Variants in LRP1B observed in about 807,000 individuals in gnomAD.
LRP1B encodes LDL receptor related protein 1B.
A neutral mutation model predicts 556.6 loss-of-function variants in LRP1B; 217 were observed. That is an observed-to-expected ratio of 0.39 (90% CI 0.35 to 0.44). The LOEUF is 0.44. LRP1B is among the 20% of genes least tolerant of loss of function. The pLI, the probability that LRP1B is intolerant of heterozygous loss-of-function variation, is 1.00. For synonymous variants in LRP1B, 2,047 were observed against 1,865.8 expected (o/e 1.10, Z -2.50); for missense variants, 5,053 against 5,620.8 (o/e 0.90, Z 3.23).
intron 1 of LRP1B, among the ~76,000 whole-genome samples, chr2:141,980,075 C>T (rs1702001013): frequency 6.6e-6 from 1 of 152,098 alleles, no homozygotes; most frequent in South Asian, 2.1e-4. Flanking sequence ...ATTACTCTTT[C>T]TCTAGTATGA....
intron 66 of LRP1B, among the ~76,000 whole-genome samples, chr2:140,435,571 T>C (rs1406844175): frequency 6.6e-6 from 1 of 152,080 alleles, no homozygotes; most frequent in Non-Finnish European, 1.5e-5. Context: ...ATCCAGAGTC[T>C]AGAATATTTG....
Position 140,994,061 on chromosome 2 carries a change from C to G in LRP1B, c.2578G>C (p.Ala860Pro), listed in dbSNP as rs2105358984. The G allele has an allele frequency of 1.2e-6, 2 of 1,612,724 alleles. No individual in the cohort carries two copies. The highest frequency in any genetic ancestry group is 1.7e-6 in the Non-Finnish European group (2 of 1,179,170). Residue 860 changes from alanine (A) to proline (P), a missense_variant, in exon 16 of 91, where the codon GCT (alanine) becomes CCT (proline). By Grantham distance (27) the Ala-to-Pro change is conservative. This residue lies in a region of LRP1B where 3,619 missense variants were observed against 3,931.9 expected (regional missense o/e 0.92). Coordinates refer to ENST00000389484, the MANE Select transcript of LRP1B (RefSeq NM_018557.3). ...TCGTCGCCATCACATTTCCACCGAG[C>G]TTGGATACAGTGTCTGTTTTTGCAG... ...FRCKNRHCIQ[A>P]RWKCDGDDDC... is the part of the protein sequence containing the mutation.
chr2:140,694,502 T>G (rs1461492514), intron 41 of LRP1B, among the ~76,000 whole-genome samples: 1 of 152,192 alleles, frequency 6.6e-6, no homozygotes, highest in African/African-American at 2.4e-5. Context: ...TTTTCCCTTT[T>G]TCATGATCTT....
In LRP1B at chr2:140,861,704, C is replaced by T. The variant is rs140801941; in HGVS notation, c.4579+5886G>A. 3.7e-3 allele frequency among the ~76,000 whole-genome samples: 569 copies of T among 152,252 alleles called. 2 individuals are homozygous for T. Among genetic ancestry groups the T allele is most frequent in the Non-Finnish European group, 5.5e-3 (373 of 68,024 alleles). Reference sequence around the variant, plus strand: ...AGTTATACTAATAGCTAATGTCAGACCTATTTAGGATCACGAGGACATATG... The same window carrying T: ...AGTTATACTAATAGCTAATGTCAGATCTATTTAGGATCACGAGGACATATG... On this transcript the variant is annotated intron_variant, in intron 27 of 90. Transcript: ENST00000389484.
intron 22 of LRP1B, among the ~76,000 whole-genome samples, chr2:140,907,414 G>T (rs907364005): frequency 2.6e-5 from 4 of 151,826 alleles, no homozygotes; most frequent in Non-Finnish European, 5.9e-5. Context: ...TGTTAAATTG[G>T]GTCATATTCA....
At position 140,297,986 on chromosome 2, in the gene LRP1B, G is replaced by A; in HGVS notation, c.12806-17C>T. The A allele has an allele frequency of 6.4e-7, 1 of 1,561,574 alleles. No individual in the cohort carries two copies. Among genetic ancestry groups the A allele is most frequent in the Non-Finnish European group, 8.7e-7 (1 of 1,146,238 alleles). The stretch of plus-strand genomic sequence containing the variant: ...TGGGTCTCCCTATTGGAAACAATAA[G>A]TAATAAAAAGCAAATTATTCAACCA... On this transcript the variant is annotated splice_polypyrimidine_tract_variant and intron_variant, in intron 83 of 90. Coordinates refer to ENST00000389484, the MANE Select transcript of LRP1B (RefSeq NM_018557.3).
chr2:140,676,962 T>C (rs1478027457), intron 41 of LRP1B, among the ~76,000 whole-genome samples: 2 of 152,228 alleles, frequency 1.3e-5, no homozygotes, highest in African/African-American at 2.4e-5. Flanking sequence ...AAAATATCAA[T>C]GTGCCAAAAA....
chr2:141,883,578 G>A (rs972329322), intron 1 of LRP1B, among the ~76,000 whole-genome samples: 1 of 152,110 alleles, frequency 6.6e-6, no homozygotes, highest in Non-Finnish European at 1.5e-5. Context: ...ACAAAAAATA[G>A]TCAGGTGTAG....
intron 1 of LRP1B, among the ~76,000 whole-genome samples, chr2:142,123,660 T>A (rs1707536531): frequency 2.0e-5 from 3 of 151,812 alleles, no homozygotes; most frequent in Admixed American, 2.0e-4. Flanking sequence ...AAGAAGTTTT[T>A]TTTTTTTTTT....
At chr2:140,407,196 G>A (rs932047020) in intron 66 of LRP1B, among the ~76,000 whole-genome samples, 1 of 151,838 alleles carries the variant, frequency 6.6e-6, no homozygotes, top group African/African-American at 2.4e-5. Flanking sequence ...CAGTTCAAGA[G>A]GGATCAAAGA....
chr2:141,080,230 G>A (rs970906200), intron 7 of LRP1B, among the ~76,000 whole-genome samples: 4 of 152,154 alleles, frequency 2.6e-5, no homozygotes, highest in Non-Finnish European at 5.9e-5. Context: ...CTCTCTGGCA[G>A]GCATTTGCTG....
chr2:140,713,387 T>C (rs1486762657), intron 37 of LRP1B, among the ~76,000 whole-genome samples: 14 of 152,106 alleles, frequency 9.2e-5, no homozygotes, highest in South Asian at 6.2e-4. Flanking sequence ...TACATATTTG[T>C]CTTGAGCTCT....
intron 3 of LRP1B, among the ~76,000 whole-genome samples, chr2:141,393,493 T>G (rs191279934): frequency 2.5e-4 from 38 of 152,256 alleles, no homozygotes; most frequent in African/African-American, 8.9e-4. Context: ...TGACTGTGAG[T>G]TACATAAAAT....
At chr2:141,417,144 CTGTACTATGATTTATT>C (rs1189965608) in intron 3 of LRP1B, among the ~76,000 whole-genome samples, 1 of 152,100 alleles carries the variant, frequency 6.6e-6, no homozygotes, top group East Asian at 1.9e-4. Context: ...ATATTTTACA[CTGTACTATGATTTATT>C]TGTATATTGA....
chr2:142,078,575 G>C (rs12613064), intron 1 of LRP1B, among the ~76,000 whole-genome samples: 29,761 of 152,062 alleles, frequency 0.2, 3,204 homozygotes, highest in Middle Eastern at 0.42. Flanking sequence ...TCAGTTTCCT[G>C]CCCTGTACAG....
intron 43 of LRP1B, among the ~76,000 whole-genome samples, chr2:140,588,407 G>A (rs1682074254): frequency 6.6e-6 from 1 of 152,194 alleles, no homozygotes; most frequent in Admixed American, 6.5e-5. Context: ...TAAAGCAACT[G>A]CTAAAAAAGT....
chr2:140,235,686 G>T (rs1478795800), intron 89 of LRP1B, among the ~76,000 whole-genome samples: 1 of 150,832 alleles, frequency 6.6e-6, no homozygotes, highest in Non-Finnish European at 1.5e-5. Flanking sequence ...ATATTTGGGG[G>T]CACTGAAACA....
intron 3 of LRP1B, among the ~76,000 whole-genome samples, chr2:141,312,056 T>C (rs902821129): frequency 2.6e-5 from 4 of 152,154 alleles, no homozygotes; most frequent in Non-Finnish European, 5.9e-5. Context: ...TGAATCTTCT[T>C]AGAGATTACA....
intron 7 of LRP1B, among the ~76,000 whole-genome samples, chr2:141,121,412 T>A (rs1490076135): frequency 6.6e-6 from 1 of 152,034 alleles, no homozygotes; most frequent in African/African-American, 2.4e-5. Flanking sequence ...ACAAGACCAA[T>A]GCTCTAACCC....
Sources: gnomAD v4.1 joint callset for allele counts (sites outside exome capture counted in the v4.1 genomes callset) on GRCh38, gnomAD v4.1.1 for gene constraint, gnomAD v4.1.1 regional missense constraint, MANE v1.5 for transcripts, NCBI Gene and HGNC (gene_info 2026-07-23, HGNC 2026-07-21) for gene names.